FHIP1A: variants seen among roughly 807,000 people sequenced by gnomAD.
FHIP1A encodes FHF complex subunit HOOK-interacting protein 1A.
A neutral mutation model predicts 88.6 loss-of-function variants in FHIP1A; 61 were observed. The ratio of observed to expected loss-of-function variants is 0.69; its 90% CI spans 0.56 to 0.85. FHIP1A has a LOEUF of 0.85. FHIP1A is among the 40% of genes least tolerant of loss of function. FHIP1A has a pLI of 0.00. For synonymous variants in FHIP1A, 478 were observed against 496.0 expected (o/e 0.96, Z 0.48); for missense variants, 1,154 against 1,273.5 (o/e 0.91, Z 1.43).
At chr4:151,482,920 C>T (rs948775348) in intron 3 of FHIP1A, among the ~76,000 whole-genome samples, 1 of 152,054 alleles carries the variant, frequency 6.6e-6, no homozygotes, top group Non-Finnish European at 1.5e-5. Flanking sequence ...TAAGGATATA[C>T]TTAGGAAATA....
At chr4:151,532,044 C>T (rs1456374770) in intron 3 of FHIP1A, among the ~76,000 whole-genome samples, 6 of 152,156 alleles carry the variant, frequency 3.9e-5, no homozygotes, top group Non-Finnish European at 7.4e-5. Flanking sequence ...TACGTGGCAT[C>T]GCATATTTCA....
intron 2 of FHIP1A, among the ~76,000 whole-genome samples, chr4:151,459,798 C>T (rs1448813627): frequency 6.6e-6 from 1 of 152,166 alleles, no homozygotes; most frequent in Non-Finnish European, 1.5e-5. Flanking sequence ...GCTAGAATGG[C>T]TTTAAGTGTT....
intron 3 of FHIP1A, among the ~76,000 whole-genome samples, chr4:151,560,041 C>T (rs945112588): frequency 6.6e-6 from 1 of 152,088 alleles, no homozygotes; most frequent in African/African-American, 2.4e-5. Flanking sequence ...AGCGGGGCAC[C>T]TCATGGACCC....
chr4:151,660,899 C>G (rs1358120451), intron 13 of FHIP1A, among the ~76,000 whole-genome samples: 1 of 152,192 alleles, frequency 6.6e-6, no homozygotes, highest in Non-Finnish European at 1.5e-5. Flanking sequence ...TATAACAACT[C>G]TATGAATAGC....
At position 151,661,608 on chromosome 4, in the gene FHIP1A, AG is replaced by A. The variant is rs1225331743; in HGVS notation, c.2870-888del. Among the ~76,000 whole-genome samples, 7 of 152,256 alleles carry A rather than the reference AG, an allele frequency of 4.6e-5. No individual in the cohort carries two copies. In the East Asian group the frequency reaches 1.4e-3, roughly 29 times the overall value. The stretch of plus-strand genomic sequence containing the variant: ...TAAGGAGTAATGAGATTGTTTGGGT[AG>A]GGGGCAGAGGAAGACATAAATAATT... On this transcript the variant is annotated intron_variant, in intron 13 of 13. Coordinates refer to ENST00000435205, the MANE Select transcript of FHIP1A (RefSeq NM_001109977.3).
At chr4:151,411,646 G>T (rs1732651205) in intron 1 of FHIP1A, among the ~76,000 whole-genome samples, 1 of 152,010 alleles carries the variant, frequency 6.6e-6, no homozygotes, top group African/African-American at 2.4e-5. Flanking sequence ...CACCATGCCT[G>T]GCCTCTTGTA....
intron 5 of FHIP1A, among the ~76,000 whole-genome samples, chr4:151,585,852 G>C (rs1734190170): frequency 6.6e-6 from 1 of 152,124 alleles, no homozygotes; most frequent in Non-Finnish European, 1.5e-5. Context: ...ATTAATGCCA[G>C]ACCGATAGAT....
At chr4:151,646,948 C>T (rs558281367) in intron 10 of FHIP1A, among the ~76,000 whole-genome samples, 200 bp downstream of exon 10, 12 of 152,264 alleles carry the variant, frequency 7.9e-5, no homozygotes, top group Non-Finnish European at 1.5e-4. Context: ...CCAGATGTTA[C>T]GTTCTGTTGC....
At position 151,579,745 on chromosome 4, in the gene FHIP1A, T is replaced by G. The variant is rs184677170; in HGVS notation, c.732+1669T>G. On this transcript the variant is annotated intron_variant, in intron 5 of 13. Coordinates refer to ENST00000435205, the MANE Select transcript of FHIP1A (RefSeq NM_001109977.3). ...TGTAGATAGTGTATAGATGAGACATTCCTGCAAATTATAAAGTTGATGCAA... is the reference window on the plus strand; with the variant it reads ...TGTAGATAGTGTATAGATGAGACATGCCTGCAAATTATAAAGTTGATGCAA... 2.6e-3 allele frequency among the ~76,000 whole-genome samples: 398 copies of G among 152,318 alleles called. 7 individuals are homozygous for G. The highest frequency in any genetic ancestry group is 0.025 in the Admixed American group (375 of 15,296).
chr4:151,519,080 A>C (rs1731360425), intron 3 of FHIP1A, among the ~76,000 whole-genome samples: 1 of 152,136 alleles, frequency 6.6e-6, no homozygotes, highest in African/African-American at 2.4e-5. Context: ...TTTTCTTTTG[A>C]TACAAAATTT....
At chr4:151,643,633 T>C (rs1343285225) in intron 9 of FHIP1A, among the ~76,000 whole-genome samples, 1 of 152,168 alleles carries the variant, frequency 6.6e-6, no homozygotes, top group African/African-American at 2.4e-5. Flanking sequence ...ATTCTACTCT[T>C]TACTTCCATG....
intron 9 of FHIP1A, among the ~76,000 whole-genome samples, chr4:151,641,395 G>T (rs1736582948): frequency 6.6e-6 from 1 of 152,224 alleles, no homozygotes; most frequent in South Asian, 2.1e-4. Flanking sequence ...ATCAACTGTG[G>T]TGATGTTTGT....
chr4:151,557,247 A>G lies in FHIP1A; in HGVS notation c.-122-8891A>G, dbSNP rs190959956. Among the ~76,000 whole-genome samples the G allele has an allele frequency of 1.7e-3, 257 of 152,330 alleles. 1 individual carries two copies. Among genetic ancestry groups the G allele is most frequent in the African/African-American group, 5.9e-3 (244 of 41,578 alleles). On this transcript the variant is annotated intron_variant, in intron 3 of 13. Transcript: ENST00000435205. The stretch of plus-strand genomic sequence containing the variant: ...ACAACTCCTTTGATTTTAGAAGTCA[A>G]TTAACTCCAAAGTGCAGGATGCTTT...
intron 3 of FHIP1A, among the ~76,000 whole-genome samples, chr4:151,527,026 C>G (rs1278857348): frequency 2.0e-5 from 3 of 150,822 alleles, no homozygotes; most frequent in African/African-American, 7.3e-5. Context: ...CAGAGACACT[C>G]CTCACTTTCC....
chr4:151,601,236 C>T (rs1240199783), intron 7 of FHIP1A, among the ~76,000 whole-genome samples: 1 of 151,876 alleles, frequency 6.6e-6, no homozygotes, highest in African/African-American at 2.4e-5. Flanking sequence ...TGGGTGAACC[C>T]AAGTGGAAAG....
At chr4:151,662,450 G>A in intron 13 of FHIP1A, 51 bp from the exon 14 acceptor site, 3 of 1,461,322 alleles carry the variant, frequency 2.1e-6, no homozygotes, top group Admixed American at 2.6e-5. Context: ...TGAAGAGGGT[G>A]GATTAGAAGG....
intron 1 of FHIP1A, among the ~76,000 whole-genome samples, chr4:151,450,390 T>C (rs1210668435): frequency 2.0e-5 from 3 of 152,318 alleles, no homozygotes; most frequent in East Asian, 1.9e-4. Context: ...CTAAGAAGTA[T>C]AGACCATATA....
intron 7 of FHIP1A, among the ~76,000 whole-genome samples, chr4:151,604,830 CAG>C (rs1285778819): frequency 6.7e-6 from 1 of 149,622 alleles, no homozygotes; most frequent in African/African-American, 2.5e-5. Context: ...GCCTGGGTGA[CAG>C]AGTGAGACTC....
chr4:151,610,841 A>C (rs1363681723), intron 7 of FHIP1A, among the ~76,000 whole-genome samples: 3 of 152,316 alleles, frequency 2.0e-5, no homozygotes, highest in South Asian at 2.1e-4. Flanking sequence ...TGGGACTTGA[A>C]GATTACCTGG....
Sources: allele counts gnomAD v4.1 joint callset (sites outside exome capture counted in the v4.1 genomes callset), GRCh38; gene constraint gnomAD v4.1.1; transcripts MANE v1.5; gene names NCBI Gene and HGNC (gene_info 2026-07-23, HGNC 2026-07-21).